Variants in GNG12 observed in about 807,000 individuals in gnomAD.
GNG12 encodes the protein guanine nucleotide-binding protein G(I)/G(S)/G(O) subunit gamma-12.
For missense variants in GNG12, 69 were observed against 83.8 expected, an observed-to-expected ratio of 0.82 and a Z score of 0.69; for synonymous variants, 28 against 29.7, an observed-to-expected ratio of 0.94 and a Z score of 0.19.
At chr1:67,758,471 CCT>C (rs1646583124) in intron 2 of GNG12, among the ~76,000 whole-genome samples, 1 of 152,144 alleles carries the variant, frequency 6.6e-6, no homozygotes, top group African/African-American at 2.4e-5. Context: ...GCAGCAGACC[CCT>C]CTCTGCTCTT....
chr1:67,742,733 T>A (rs1481785957), intron 2 of GNG12, among the ~76,000 whole-genome samples: 1 of 152,230 alleles, frequency 6.6e-6, no homozygotes, highest in East Asian at 1.9e-4. Context: ...ACCACTTGAC[T>A]GCTTTCTACA....
intron 2 of GNG12, among the ~76,000 whole-genome samples, chr1:67,721,343 G>T (rs1416222222): frequency 6.6e-6 from 1 of 152,154 alleles, no homozygotes; most frequent in East Asian, 1.9e-4. Flanking sequence ...TTCTAAACGC[G>T]TGGTCACACC....
At chr1:67,715,578 C>G (rs1171173246) in intron 2 of GNG12, among the ~76,000 whole-genome samples, 1 of 152,166 alleles carries the variant, frequency 6.6e-6, no homozygotes, top group Non-Finnish European at 1.5e-5. Context: ...ACTAGCAACA[C>G]AGGACTGAGA....
intron 1 of GNG12, among the ~76,000 whole-genome samples, chr1:67,818,986 T>C (rs1250591905): frequency 6.6e-6 from 1 of 152,088 alleles, no homozygotes. Context: ...CATAGACAAT[T>C]TTCTATTGTC....
At chr1:67,742,926 A>G (rs1419880939) in intron 2 of GNG12, among the ~76,000 whole-genome samples, 1 of 152,140 alleles carries the variant, frequency 6.6e-6, no homozygotes, top group Non-Finnish European at 1.5e-5. Context: ...TTTAAAATGG[A>G]TTTAAAGAAA....
intron 2 of GNG12, among the ~76,000 whole-genome samples, chr1:67,748,346 C>T (rs1199966356): frequency 6.6e-6 from 1 of 152,086 alleles, no homozygotes; most frequent in Non-Finnish European, 1.5e-5. Context: ...CAATCAGATA[C>T]AAAAATCAGA....
intron 2 of GNG12, among the ~76,000 whole-genome samples, chr1:67,733,526 CAT>C (rs1646433345): frequency 6.6e-6 from 1 of 152,102 alleles, no homozygotes; most frequent in Admixed American, 6.5e-5. Flanking sequence ...CAATAATAAA[CAT>C]ATCACAAGTA....
intron 1 of GNG12, among the ~76,000 whole-genome samples, chr1:67,802,248 A>G (rs931360758): frequency 6.6e-6 from 1 of 152,218 alleles, no homozygotes; most frequent in Admixed American, 6.5e-5. Flanking sequence ...GGATGAAGGA[A>G]GAAGGGCACA....
intron 2 of GNG12, among the ~76,000 whole-genome samples, chr1:67,732,761 G>A (rs1570495758): frequency 6.6e-6 from 1 of 152,196 alleles, no homozygotes; most frequent in Non-Finnish European, 1.5e-5. Context: ...CTAGGGAAAG[G>A]AGCCGGGTTC....
At chr1:67,777,427 A>C in intron 2 of GNG12, 31 bp downstream of exon 2, 3 of 705,796 alleles carry the variant, frequency 4.3e-6, no homozygotes, top group Non-Finnish European at 5.2e-6. Flanking sequence ...AAAGTCAAAC[A>C]GTCACTTTGT....
At chr1:67,712,591 G>C (rs1410112924) in intron 2 of GNG12, among the ~76,000 whole-genome samples, 1 of 152,096 alleles carries the variant, frequency 6.6e-6, no homozygotes, top group Non-Finnish European at 1.5e-5. Context: ...TACTCAGGAG[G>C]CTGAAGTGGG....
At chr1:67,713,025 G>T (rs866755299) in intron 2 of GNG12, among the ~76,000 whole-genome samples, 7 of 152,172 alleles carry the variant, frequency 4.6e-5, no homozygotes, top group Non-Finnish European at 2.9e-5. Flanking sequence ...CACCACGCCT[G>T]GCCCACTATG....
At chr1:67,754,056 T>TA (rs1198638029) in intron 2 of GNG12, among the ~76,000 whole-genome samples, 2 of 152,212 alleles carry the variant, frequency 1.3e-5, no homozygotes, top group Admixed American at 6.5e-5. Flanking sequence ...CAGCTCAGTG[T>TA]AACAACTTTC....
chr1:67,827,893 A>G (rs1375281959), intron 1 of GNG12, among the ~76,000 whole-genome samples: 1 of 152,230 alleles, frequency 6.6e-6, no homozygotes, highest in African/African-American at 2.4e-5. Flanking sequence ...GACATCAGAT[A>G]TGATTTTCAA....
rs1374694982 is a variant in GNG12 at position 67,704,168 on chromosome 1, TC to T, written c.*1282del. The T allele has an allele frequency of 6.6e-6, 1 of 152,198 alleles. No individual in the cohort carries two copies. Among genetic ancestry groups the T allele is most frequent in the Non-Finnish European group, 1.5e-5 (1 of 68,060 alleles). The allele number at this position is 152,198 out of a possible 1,614,324, so 9.4% of individuals were successfully genotyped here. On this transcript the variant is annotated 3_prime_UTR_variant, in exon 4 of 4. Coordinates refer to ENST00000370982, the MANE Select transcript of GNG12 (RefSeq NM_018841.6). ...CAGAGGAAAATCAAGGAACCCCATATCCAGCTGCTAAAGCCCTTGGGCCCAA... is the reference window on the plus strand; with the variant it reads ...CAGAGGAAAATCAAGGAACCCCATATCAGCTGCTAAAGCCCTTGGGCCCAA...
intron 2 of GNG12, among the ~76,000 whole-genome samples, chr1:67,748,517 T>TG (rs1335029757): frequency 3.3e-5 from 5 of 152,244 alleles, no homozygotes; most frequent in South Asian, 2.1e-4. Flanking sequence ...AAATCGTGCT[T>TG]GGGGGGATAA....
At chr1:67,786,811 C>T (rs191387960) in intron 1 of GNG12, among the ~76,000 whole-genome samples, 63 of 152,078 alleles carry the variant, frequency 4.1e-4, no homozygotes, top group African/African-American at 1.3e-3. Flanking sequence ...ATGGCACGTG[C>T]CTGTACTCCC....
intron 1 of GNG12, among the ~76,000 whole-genome samples, chr1:67,831,582 T>C (rs1421768289): frequency 1.3e-5 from 2 of 152,196 alleles, no homozygotes; most frequent in African/African-American, 4.8e-5. Flanking sequence ...AACGACGCAG[T>C]AGACTTTTCA....
intron 2 of GNG12, among the ~76,000 whole-genome samples, chr1:67,756,731 T>C (rs1315479207): frequency 6.6e-6 from 1 of 152,234 alleles, no homozygotes; most frequent in Middle Eastern, 3.2e-3. Context: ...CAGATTCCTC[T>C]GTGATCTAGT....
Sources: gnomAD v4.1 joint callset for allele counts (sites outside exome capture counted in the v4.1 genomes callset) on GRCh38, gnomAD v4.1.1 for gene constraint, MANE v1.5 for transcripts, NCBI Gene and HGNC (gene_info 2026-07-23, HGNC 2026-07-21) for gene names.